The following ZFPM2 variants were observed in gnomAD, a reference collection of about 807,000 sequenced individuals.
ZFPM2 encodes the protein zinc finger protein, FOG family member 2.
Under a neutral mutation model 98.6 loss-of-function variants are expected in ZFPM2, and 20 were observed. The ratio of observed to expected loss-of-function variants is 0.20; its 90% CI spans 0.14 to 0.29. The LOEUF is 0.29. ZFPM2 is among the 10% of genes least tolerant of loss of function. The pLI is 1.00. For synonymous variants in ZFPM2, 518 were observed against 502.7 expected (o/e 1.03, Z -0.41); for missense variants, 1,310 against 1,388.6 (o/e 0.94, Z 0.90).
chr8:105,335,554 G>A (rs1174308815), intron 1 of ZFPM2, among the ~76,000 whole-genome samples: 2 of 151,704 alleles, frequency 1.3e-5, no homozygotes, highest in Non-Finnish European at 3.0e-5. Flanking sequence ...AAGACCCAAA[G>A]AAGTAAAGGA....
chr8:105,666,443 A>G (rs1439893344), intron 5 of ZFPM2, among the ~76,000 whole-genome samples: 2 of 152,178 alleles, frequency 1.3e-5, no homozygotes, highest in African/African-American at 4.8e-5. Context: ...ATTTTGATAG[A>G]TGTTCAATTC....
At chr8:105,686,498 A>G (rs1400134856) in intron 5 of ZFPM2, among the ~76,000 whole-genome samples, 3 of 152,086 alleles carry the variant, frequency 2.0e-5, no homozygotes, top group Non-Finnish European at 4.4e-5. Flanking sequence ...GGTATAAGAA[A>G]TAAGTGTTCA....
At chr8:105,620,694 G>A (rs929884056) in intron 4 of ZFPM2, among the ~76,000 whole-genome samples, 1 of 152,096 alleles carries the variant, frequency 6.6e-6, no homozygotes, top group African/African-American at 2.4e-5. Flanking sequence ...AATCCATCTT[G>A]AATTGATTTT....
chr8:105,574,091 T>C (rs1815412046), intron 4 of ZFPM2, among the ~76,000 whole-genome samples: 1 of 152,244 alleles, frequency 6.6e-6, no homozygotes, highest in Non-Finnish European at 1.5e-5. Context: ...CCCCAAGCAG[T>C]GCATCTAGTC....
chr8:105,769,921 T>A (rs1253121666), intron 5 of ZFPM2, among the ~76,000 whole-genome samples: 1 of 152,100 alleles, frequency 6.6e-6, no homozygotes, highest in African/African-American at 2.4e-5. Context: ...TTGCCTTGTT[T>A]CACCTCCATT....
chr8:105,663,510 C>T (rs1400843304), intron 5 of ZFPM2, among the ~76,000 whole-genome samples: 1 of 152,166 alleles, frequency 6.6e-6, no homozygotes, highest in Non-Finnish European at 1.5e-5. Context: ...AACATTTCTG[C>T]TCTTATGGGG....
intron 4 of ZFPM2, among the ~76,000 whole-genome samples, chr8:105,570,009 C>A (rs1815321374): frequency 6.6e-6 from 1 of 152,134 alleles, no homozygotes. Flanking sequence ...TTCACAGACG[C>A]CCTTAGGTTC....
At chr8:105,706,565 G>T (rs1296220788) in intron 5 of ZFPM2, among the ~76,000 whole-genome samples, 1 of 151,962 alleles carries the variant, frequency 6.6e-6, no homozygotes, top group Admixed American at 6.6e-5. Context: ...AATAACTGAT[G>T]ATTCCTCTTG....
At chr8:105,486,631 T>G (rs529732130) in intron 3 of ZFPM2, among the ~76,000 whole-genome samples, 1 of 152,272 alleles carries the variant, frequency 6.6e-6, no homozygotes, top group Admixed American at 6.5e-5. Context: ...TCACTGAAAT[T>G]TACATCATAT....
intron 5 of ZFPM2, among the ~76,000 whole-genome samples, chr8:105,765,210 T>G (rs1351804571): frequency 6.6e-6 from 1 of 151,844 alleles, no homozygotes; most frequent in Non-Finnish European, 1.5e-5. Context: ...TCTATATTTC[T>G]TAGTAAAATC....
chr8:105,748,434 A>C (rs963888732), intron 5 of ZFPM2, among the ~76,000 whole-genome samples: 2 of 152,084 alleles, frequency 1.3e-5, no homozygotes, highest in African/African-American at 4.8e-5. Context: ...TTGATTTCTT[A>C]GGCATTAGTA....
Position 105,803,109 on chromosome 8 carries a change from T to G in ZFPM2, c.3027T>G (p.Asn1009Lys). 6.2e-7 allele frequency: 1 copy of G among 1,613,930 alleles called. No individual in the cohort carries two copies. Among genetic ancestry groups the G allele is most frequent in the Non-Finnish European group, 8.5e-7 (1 of 1,179,864 alleles). The stretch of plus-strand genomic sequence containing the variant: ...ACACTGACATCGAGCAAAGCAGAAA[T>G]GCAGAAAATGAATCTCCTAAAGGCC... ...IHNTDIEQSR[N>K]AENESPKGQA... The change falls in exon 8 of 8, where the codon AAT becomes AAG. Residue 1009 changes from asparagine (N) to lysine (K), a missense_variant. Asn to Lys is a moderately conservative substitution (Grantham distance 94, BLOSUM62 0). Coordinates refer to ENST00000407775, the MANE Select transcript of ZFPM2 (RefSeq NM_012082.4).
intron 5 of ZFPM2, among the ~76,000 whole-genome samples, chr8:105,784,214 T>C (rs1813343960): frequency 6.6e-6 from 1 of 152,138 alleles, no homozygotes; most frequent in Non-Finnish European, 1.5e-5. Context: ...CACTCAATTG[T>C]AAATTAAAGC....
chr8:105,519,451 A>G (rs1448180782), intron 3 of ZFPM2, among the ~76,000 whole-genome samples: 3 of 152,074 alleles, frequency 2.0e-5, no homozygotes, highest in Admixed American at 6.5e-5. Context: ...TACCTGGGAA[A>G]AAGAAAAAAA....
At chr8:105,329,434 A>G (rs1396906146) in intron 1 of ZFPM2, among the ~76,000 whole-genome samples, 1 of 151,838 alleles carries the variant, frequency 6.6e-6, no homozygotes, top group Non-Finnish European at 1.5e-5. Flanking sequence ...AATTTAACTT[A>G]ATGTTTTTAC....
chr8:105,572,938 A>C (rs1434134609), intron 4 of ZFPM2, among the ~76,000 whole-genome samples: 1 of 152,116 alleles, frequency 6.6e-6, no homozygotes, highest in Non-Finnish European at 1.5e-5. Flanking sequence ...TAAAGCATAG[A>C]GTTATGTAGG....
chr8:105,414,105 A>G (rs1563647719), intron 1 of ZFPM2, among the ~76,000 whole-genome samples: 1 of 152,026 alleles, frequency 6.6e-6, no homozygotes, highest in Non-Finnish European at 1.5e-5. Context: ...TTAGAATATT[A>G]ATGCATGAAG....
intron 5 of ZFPM2, among the ~76,000 whole-genome samples, chr8:105,762,735 T>C (rs564319409): frequency 6.6e-6 from 1 of 152,022 alleles, no homozygotes; most frequent in African/African-American, 2.4e-5. Context: ...ATTTCACAAT[T>C]GCTTTACAAT....
At chr8:105,739,808 G>A (rs1180673578) in intron 5 of ZFPM2, among the ~76,000 whole-genome samples, 2 of 151,918 alleles carry the variant, frequency 1.3e-5, no homozygotes, top group Non-Finnish European at 2.9e-5. Context: ...AAAAATGGTA[G>A]GGTAGAGGTT....
Sources: gnomAD v4.1 joint callset for allele counts (sites outside exome capture counted in the v4.1 genomes callset) on GRCh38, gnomAD v4.1.1 for gene constraint, MANE v1.5 for transcripts, NCBI Gene and HGNC (gene_info 2026-07-23, HGNC 2026-07-21) for gene names.